Variants in KATNAL1 observed in about 807,000 individuals in gnomAD.
KATNAL1 encodes katanin catalytic subunit A1 like 1, also known as katanin p60 ATPase-containing subunit A-like 1.
In KATNAL1, 32 loss-of-function variants were observed where a neutral mutation model predicts 55.2. That is an observed-to-expected ratio of 0.58 (90% CI 0.44 to 0.78). The LOEUF is 0.78. KATNAL1 is among the 30% of genes least tolerant of loss of function. The probability of loss-of-function intolerance (pLI) is 0.00; values close to 1 mark genes in which losing one functional copy is unlikely to be tolerated. For missense variants in KATNAL1, 466 were observed against 600.9 expected, an observed-to-expected ratio of 0.78 and a Z score of 2.35; for synonymous variants, 193 against 193.6, an observed-to-expected ratio of 1.00 and a Z score of 0.02.
chr13:30,254,522 T>C (rs1439015541), intron 4 of KATNAL1, among the ~76,000 whole-genome samples: 1 of 152,228 alleles, frequency 6.6e-6, no homozygotes, highest in Non-Finnish European at 1.5e-5. Context: ...CTATGTATTA[T>C]GGCTATAAGA....
intron 4 of KATNAL1, among the ~76,000 whole-genome samples, chr13:30,246,482 G>A (rs1877807988): frequency 6.6e-6 from 1 of 152,122 alleles, no homozygotes; most frequent in African/African-American, 2.4e-5. Flanking sequence ...CATAGGCATG[G>A]GTAAAGACTT....
intron 4 of KATNAL1, among the ~76,000 whole-genome samples, chr13:30,246,696 A>C (rs1407594026): frequency 6.6e-6 from 1 of 152,170 alleles, no homozygotes; most frequent in Non-Finnish European, 1.5e-5. Flanking sequence ...AATTTACAAG[A>C]AAAAAACACA....
At chr13:30,282,631 C>T (rs1378913252) in intron 2 of KATNAL1, among the ~76,000 whole-genome samples, 1 of 150,288 alleles carries the variant, frequency 6.7e-6, no homozygotes, top group Non-Finnish European at 1.5e-5. Flanking sequence ...GAGCAAAACC[C>T]TGTCTCTTTA....
intron 1 of KATNAL1, among the ~76,000 whole-genome samples, chr13:30,295,765 A>T (rs1882441315): frequency 6.6e-6 from 1 of 152,248 alleles, no homozygotes; most frequent in African/African-American, 2.4e-5. Context: ...ATAAAGCAGC[A>T]GCAGGGTTTG....
chr13:30,294,788 G>A (rs1188084406), intron 1 of KATNAL1, among the ~76,000 whole-genome samples: 2 of 152,194 alleles, frequency 1.3e-5, no homozygotes, highest in African/African-American at 4.8e-5. Context: ...TCTCGTGTCA[G>A]GGGCTGATTT....
intron 1 of KATNAL1, among the ~76,000 whole-genome samples, chr13:30,294,447 C>A (rs941982955): frequency 6.6e-6 from 1 of 152,200 alleles, no homozygotes; most frequent in African/African-American, 2.4e-5. Flanking sequence ...TAATCCAGAA[C>A]AAGACCCTAA....
At chr13:30,257,874 T>C (rs1210366761) in intron 3 of KATNAL1, among the ~76,000 whole-genome samples, 1 of 152,112 alleles carries the variant, frequency 6.6e-6, no homozygotes, top group Non-Finnish European at 1.5e-5. Flanking sequence ...CTCACTGCAA[T>C]TGGATATTAC....
chr13:30,306,357 A>C (rs557452770), intron 1 of KATNAL1, among the ~76,000 whole-genome samples: 69 of 152,234 alleles, frequency 4.5e-4, no homozygotes, highest in African/African-American at 1.5e-3. Flanking sequence ...TCAAAGAATT[A>C]TTGCTGCCTA....
At chr13:30,251,223 A>T (rs1878275132) in intron 4 of KATNAL1, among the ~76,000 whole-genome samples, 1 of 147,018 alleles carries the variant, frequency 6.8e-6, no homozygotes, top group Admixed American at 7.0e-5. Context: ...CTGCTACCTA[A>T]TATTTTACTT....
In KATNAL1 at chr13:30,297,680, T is replaced by C. The variant is rs116556399; in HGVS notation, c.-15+9651A>G. ...TACATATATACCATGGAATACTATA[T>C]GGTCTTAAAAAAGAACAAAATCATG... On this transcript the variant is annotated intron_variant, in intron 1 of 10. Coordinates refer to ENST00000380615, the MANE Select transcript of KATNAL1 (RefSeq NM_032116.5). Among the ~76,000 whole-genome samples the C allele has an allele frequency of 3.0e-3, 459 of 152,350 alleles. 5 individuals carry two copies. The highest frequency in any genetic ancestry group is 0.01 in the African/African-American group (433 of 41,584).
intron 9 of KATNAL1, among the ~76,000 whole-genome samples, chr13:30,223,622 T>C (rs1045575606): frequency 1.3e-5 from 2 of 152,050 alleles, no homozygotes; most frequent in African/African-American, 4.8e-5. Context: ...TACAGAGGCA[T>C]TGCATAATGG....
At chr13:30,283,996 A>G (rs7319815) in intron 1 of KATNAL1, among the ~76,000 whole-genome samples, 113,758 of 151,490 alleles carry the variant, frequency 0.75, 43,596 homozygotes, top group African/African-American at 0.9. Context: ...GAGTAGCTGC[A>G]ACTATAGGGG....
chr13:30,288,045 T>C (rs978114872), intron 1 of KATNAL1, among the ~76,000 whole-genome samples: 2 of 152,202 alleles, frequency 1.3e-5, no homozygotes, highest in Non-Finnish European at 2.9e-5. Flanking sequence ...AATGAAACTC[T>C]TTTTAGGGAC....
At chr13:30,274,879 G>A (rs1302732283) in intron 3 of KATNAL1, among the ~76,000 whole-genome samples, 3 of 142,724 alleles carry the variant, frequency 2.1e-5, no homozygotes, top group Admixed American at 7.3e-5. Context: ...GGCGGGGTGT[G>A]TGCACACACA....
Position 30,307,397 on chromosome 13 carries a change from C to G in KATNAL1, c.-81G>C, listed in dbSNP as rs1883251678. The G allele has an allele frequency of 1.3e-5, 2 of 154,048 alleles. No homozygotes were observed. The highest frequency in any genetic ancestry group is 1.3e-4 in the Admixed American group (2 of 15,252). The allele number at this position is 154,048 out of a possible 1,614,324, so 9.5% of individuals were successfully genotyped here. A position where few individuals can be genotyped will look rare whatever the true frequency, so the allele number is the denominator to read the frequency against. On this transcript the variant is annotated 5_prime_UTR_variant, in exon 1 of 11. Transcript: ENST00000380615. Reference sequence around the variant, plus strand: ...GATGGGGTGCGGGTGGGGCGCAGGCCGCCGCCGCCGCCGCCGCCGAGTCCG... The same window carrying G: ...GATGGGGTGCGGGTGGGGCGCAGGCGGCCGCCGCCGCCGCCGCCGAGTCCG...
intron 3 of KATNAL1, among the ~76,000 whole-genome samples, chr13:30,272,615 TTCTG>T (rs1398894041): frequency 6.6e-6 from 1 of 152,094 alleles, no homozygotes; most frequent in East Asian, 1.9e-4. Context: ...GAATTATAAT[TTCTG>T]TCTTTCAGTT....
chr13:30,234,190 T>A (rs79310150), intron 6 of KATNAL1, among the ~76,000 whole-genome samples: 1 of 152,164 alleles, frequency 6.6e-6, no homozygotes, highest in Admixed American at 6.6e-5. Flanking sequence ...CTGTTATGTA[T>A]CAATTCAAAA....
chr13:30,264,285 C>T (rs1021492437), intron 3 of KATNAL1, among the ~76,000 whole-genome samples: 1 of 143,768 alleles, frequency 7.0e-6, no homozygotes, highest in Non-Finnish European at 1.5e-5. Flanking sequence ...AGAAGAAAAC[C>T]TAGGCATTAC....
In KATNAL1 at chr13:30,231,466, G is replaced by A. The variant is rs1876088869; in HGVS notation, c.733C>T (p.Leu245=). 2 of 1,512,150 alleles carry A rather than the reference G, an allele frequency of 1.3e-6. No homozygotes were observed. The highest frequency in any genetic ancestry group is 8.9e-7 in the Non-Finnish European group (1 of 1,129,818). 93.7% of individuals were successfully genotyped at this position (1,512,150 alleles called of 1,614,324 possible). The change falls in exon 7 of 11, where the codon CTG becomes TTG. Residue 245 remains leucine (L), a synonymous_variant. Transcript: ENST00000380615. The part of the protein sequence containing the change: ...KGIRRPWKGV[L]MVGPPGTGKT... ...CCAGTGCCTGGGGGTCCAACCATCA[G>A]TACACCCTGAAATTTCAAAAGACAA...
Sources: gnomAD v4.1 joint callset for allele counts (sites outside exome capture counted in the v4.1 genomes callset) on GRCh38, gnomAD v4.1.1 for gene constraint, MANE v1.5 for transcripts, NCBI Gene and HGNC (gene_info 2026-07-23, HGNC 2026-07-21) for gene names.